DHX35: variants seen among roughly 807,000 people sequenced by gnomAD.
The protein encoded by DHX35 is probable ATP-dependent RNA helicase DHX35.
DHX35 carries 84 observed loss-of-function variants against 99.6 expected under a neutral mutation model. That is an observed-to-expected ratio of 0.84 (90% CI 0.71 to 1.01). DHX35 has a LOEUF of 1.01. DHX35 is among the 50% of genes least tolerant of loss of function. The probability of loss-of-function intolerance (pLI) is 0.00; values close to 1 mark genes in which losing one functional copy is unlikely to be tolerated. For synonymous variants in DHX35, 331 were observed against 316.2 expected, an observed-to-expected ratio of 1.05 and a Z score of -0.50; for missense variants, 852 against 888.5, an observed-to-expected ratio of 0.96 and a Z score of 0.52.
In DHX35 at chr20:39,006,142, G is replaced by A. The variant is rs1040509644; in HGVS notation, c.1012-4G>A. The A allele has an allele frequency of 5.6e-6, 9 of 1,611,624 alleles. No homozygotes were observed. Among genetic ancestry groups the A allele is most frequent in the African/African-American group, 1.3e-5 (1 of 74,982 alleles). ...TTTTATTCTTCTTTCTGTGGGGAAC[G>A]TAGGTGATAGTGGCCACCAATGTGG... On this transcript the variant is annotated splice_polypyrimidine_tract_variant and splice_region_variant and intron_variant, in intron 11 of 21. Coordinates refer to ENST00000252011, the MANE Select transcript of DHX35 (RefSeq NM_021931.4).
intron 3 of DHX35, among the ~76,000 whole-genome samples, chr20:38,976,633 T>A (rs928919590): frequency 8.5e-5 from 13 of 152,142 alleles, no homozygotes; most frequent in Non-Finnish European, 1.8e-4. Flanking sequence ...TATTTTGAAG[T>A]CTATGGCACA....
chr20:39,020,661 T>TTTTTTTTG (rs2086859985), intron 15 of DHX35, among the ~76,000 whole-genome samples: 1 of 143,294 alleles, frequency 7.0e-6, no homozygotes, highest in Non-Finnish European at 1.5e-5. Context: ...GGATTCTTTT[T>TTTTTTTTG]TTTTTTTTTT....
Position 38,981,876 on chromosome 20 carries a change from G to A in DHX35, c.268-1823G>A, listed in dbSNP as rs1370014303. Reference sequence around the variant, plus strand: ...GGAGAATTGCTTAAACCCAGAAGTCGGAGGTTGCAGTGAGCCGAGATCACG... The same window carrying A: ...GGAGAATTGCTTAAACCCAGAAGTCAGAGGTTGCAGTGAGCCGAGATCACG... On this transcript the variant is annotated intron_variant, in intron 3 of 21. Transcript: ENST00000252011. Among the ~76,000 whole-genome samples the A allele has an allele frequency of 2.7e-5, 4 of 146,806 alleles. No homozygotes were observed. The East Asian group carries it at 5.9e-4, about 22-fold the overall frequency.
chr20:39,038,949 T>C lies in DHX35; in HGVS notation c.*406T>C. On this transcript the variant is annotated 3_prime_UTR_variant, in exon 22 of 22. Transcript: ENST00000252011. Reference sequence around the variant, plus strand: ...GCTGGGCTGGCTTTGCTTTCCCTGCTGGGGCCACAGCTGTGTTAACCAATG... The same window carrying C: ...GCTGGGCTGGCTTTGCTTTCCCTGCCGGGGCCACAGCTGTGTTAACCAATG... The C allele has an allele frequency of 4.0e-6, 1 of 250,366 alleles. No homozygotes were observed. The highest frequency in any genetic ancestry group is 5.8e-5 in the South Asian group (1 of 17,340). 15.5% of individuals were successfully genotyped at this position (250,366 alleles called of 1,614,324 possible). A position where few individuals can be genotyped will look rare whatever the true frequency, so the allele number is the denominator to read the frequency against.
intron 6 of DHX35, 132 bp downstream of exon 6, chr20:38,991,647 G>T (rs975134459): frequency 1.3e-5 from 9 of 692,354 alleles, no homozygotes; most frequent in South Asian, 6.2e-5. Flanking sequence ...GACCTTGGCT[G>T]TTGGGACCCT....
intron 14 of DHX35, 53 bp downstream of exon 14, chr20:39,014,987 A>AT: frequency 6.2e-7 from 1 of 1,600,530 alleles, no homozygotes; most frequent in Non-Finnish European, 8.6e-7. Flanking sequence ...CTTTTGTGAT[A>AT]TTAGTGAGGT....
intron 18 of DHX35, among the ~76,000 whole-genome samples, chr20:39,026,874 T>C (rs1470774675): frequency 1.3e-5 from 2 of 152,304 alleles, no homozygotes; most frequent in South Asian, 2.1e-4. Context: ...CAAACGCCTG[T>C]CACCCAGCAG....
chr20:39,034,957 A>T (rs1357037121), intron 21 of DHX35, among the ~76,000 whole-genome samples: 1 of 151,920 alleles, frequency 6.6e-6, no homozygotes, highest in Non-Finnish European at 1.5e-5. Flanking sequence ...ATGGGGTTTC[A>T]CTATGTTGCC....
chr20:38,994,717 G>GA (rs1044545028), intron 7 of DHX35, 104 bp from the exon 8 acceptor site: 2,095 of 786,732 alleles, frequency 2.7e-3, no homozygotes, highest in Non-Finnish European at 2.8e-3. Context: ...AGGCAAAAAA[G>GA]AAAAAAAAAG....
chr20:39,012,901 A>G (rs2086726849), intron 13 of DHX35, among the ~76,000 whole-genome samples: 1 of 152,260 alleles, frequency 6.6e-6, no homozygotes, highest in African/African-American at 2.4e-5. Context: ...AATTTGGGAA[A>G]GTAAATTCCT....
chr20:38,969,057 G>GAA (rs200360241), intron 1 of DHX35, 24 bp from the exon 2 acceptor site: 16 of 1,540,926 alleles, frequency 1.0e-5, no homozygotes, highest in African/African-American at 9.8e-5. Context: ...CAGAGAATCT[G>GAA]AAAAAAAAAC....
rs959101084 is a variant in DHX35 at position 39,024,518 on chromosome 20, C to T, written c.1672-712C>T. On this transcript the variant is annotated intron_variant, in intron 17 of 21. Coordinates refer to ENST00000252011, the MANE Select transcript of DHX35 (RefSeq NM_021931.4). ...AGAAATTCACTCTTTTTGAGACTTA[C>T]GGCTTAAATCAGTTAAAATTCATTT... Among the ~76,000 whole-genome samples the T allele has an allele frequency of 3.3e-5, 5 of 152,272 alleles. No homozygotes were observed. In the South Asian group the frequency reaches 6.2e-4, roughly 19 times the overall value.
rs1310746804 is a variant in DHX35 at position 38,969,155 on chromosome 20, T to C, written c.115T>C (p.Tyr39His). The C allele has an allele frequency of 6.2e-7, 1 of 1,613,936 alleles. No homozygotes were observed. Among genetic ancestry groups the C allele is most frequent in the Admixed American group, 1.7e-5 (1 of 60,008 alleles). ...TGAAAACTCTGGGACAACGGTTGTT[T>C]ACAACCCTTATGCTGCCCTTTCCAT... ...LAENSGTTVVYNPYAALSIEQ... is the reference protein window; with the variant it reads ...LAENSGTTVVHNPYAALSIEQ... The change falls in exon 2 of 22, where the codon TAC becomes CAC. Residue 39 changes from tyrosine to histidine, a missense_variant. Transcript: ENST00000252011.
At chr20:38,986,878 T>A (rs530690209) in intron 4 of DHX35, among the ~76,000 whole-genome samples, 1 of 152,344 alleles carries the variant, frequency 6.6e-6, no homozygotes, top group South Asian at 2.1e-4. Context: ...GCAGAGCTGC[T>A]TCTGATCCTC....
In DHX35 at chr20:39,022,790, T is replaced by A. The variant is rs192775950; in HGVS notation, c.1593+855T>A. 8.2e-4 allele frequency among the ~76,000 whole-genome samples: 125 copies of A among 152,264 alleles called. 1 individual carries two copies. The highest frequency in any genetic ancestry group is 1.1e-3 in the Non-Finnish European group (74 of 68,022). ...CAGGCATCAGCAATGACTAATTGAG[T>A]GAACACTGGAAAGACGGAAGGACAA... is the stretch of plus-strand genomic sequence containing the variant. On this transcript the variant is annotated intron_variant, in intron 16 of 21. Coordinates refer to ENST00000252011, the MANE Select transcript of DHX35 (RefSeq NM_021931.4).
At chr20:38,994,718 A>G (rs2086399343) in intron 7 of DHX35, 103 bp from the exon 8 acceptor site, 2 of 845,366 alleles carry the variant, frequency 2.4e-6, no homozygotes, top group South Asian at 1.8e-5. Flanking sequence ...GGCAAAAAAG[A>G]AAAAAAAAGA....
intron 16 of DHX35, 68 bp from the exon 17 acceptor site, chr20:39,023,622 G>C (rs2086905846): frequency 6.8e-7 from 1 of 1,469,660 alleles, no homozygotes. Flanking sequence ...CCAAATGCTG[G>C]GATTATAGGT....
intron 7 of DHX35, among the ~76,000 whole-genome samples, 179 bp downstream of exon 7, chr20:38,992,604 CTGTGTG>C (rs10532229): frequency 2.7e-5 from 4 of 148,946 alleles, no homozygotes; most frequent in South Asian, 2.1e-4. Context: ...CTTCTCTTTT[CTGTGTG>C]TGTGTGTGTG....
chr20:38,990,319 A>G (rs1180055774), intron 5 of DHX35, among the ~76,000 whole-genome samples: 4 of 152,244 alleles, frequency 2.6e-5, no homozygotes, highest in Non-Finnish European at 4.4e-5. Context: ...AAAAAAGTAA[A>G]AAACACCTAA....
Sources: gnomAD v4.1 joint callset for allele counts (sites outside exome capture counted in the v4.1 genomes callset) on GRCh38, gnomAD v4.1.1 for gene constraint, MANE v1.5 for transcripts, NCBI Gene and HGNC (gene_info 2026-07-23, HGNC 2026-07-21) for gene names.